ZFHX3: variants seen among roughly 807,000 people sequenced by gnomAD.
ZFHX3 encodes zinc finger homeobox protein 3.
A neutral mutation model predicts 279.1 loss-of-function variants in ZFHX3; 42 were observed. That is an observed-to-expected ratio of 0.15 (90% CI 0.12 to 0.19). The LOEUF (loss-of-function observed/expected upper bound fraction) is 0.19, where lower values mean the gene tolerates loss of function less well. Among genes scored for constraint, ZFHX3 ranks in the 10% least tolerant of loss-of-function variants. The pLI is 1.00. For synonymous variants in ZFHX3, 2,293 were observed against 1,957.8 expected (o/e 1.17, Z -4.52); for missense variants, 4,981 against 4,754.0 (o/e 1.05, Z -1.40).
At position 73,351,253 on chromosome 16, in the gene ZFHX3, T is replaced by G. The variant is rs562480617; in HGVS notation, c.-1290-32917A>C. 1.6e-4 allele frequency among the ~76,000 whole-genome samples: 25 copies of G among 152,254 alleles called. No homozygotes were observed. In the South Asian group the frequency reaches 4.2e-3, roughly 25 times the overall value. ...CCTTTAACTGGACAAACGCCTTCGT[T>G]CAAGTGTCAACCCCAATCCGGGAGA... On this transcript the variant is annotated intron_variant, in intron 3 of 17. Coordinates refer to the ZFHX3 transcript ENST00000641206.
At chr16:73,814,138 T>C (rs1275374440) in intron 1 of ZFHX3, among the ~76,000 whole-genome samples, 1 of 152,190 alleles carries the variant, frequency 6.6e-6, no homozygotes, top group East Asian at 1.9e-4. Flanking sequence ...CTGAATGGGA[T>C]CTGTACCTTC....
chr16:72,905,337 C>A (rs1036705955), intron 3 of ZFHX3, among the ~76,000 whole-genome samples: 2 of 152,092 alleles, frequency 1.3e-5, no homozygotes, highest in African/African-American at 4.8e-5. Context: ...GTATGTGAAT[C>A]ACAAAAGGGC....
intron 4 of ZFHX3, among the ~76,000 whole-genome samples, chr16:73,314,154 G>A (rs183043873): frequency 3.9e-5 from 6 of 152,264 alleles, no homozygotes. Context: ...TTAAGAGGTG[G>A]GTCTCATCTA....
At chr16:73,188,683 G>C (rs555249847) in intron 5 of ZFHX3, among the ~76,000 whole-genome samples, 17 of 152,200 alleles carry the variant, frequency 1.1e-4, no homozygotes, top group African/African-American at 3.9e-4. Flanking sequence ...CCGCTATTTT[G>C]CTACTGTTGG....
chr16:73,595,223 C>T (rs1488504427), intron 2 of ZFHX3, among the ~76,000 whole-genome samples: 1 of 152,158 alleles, frequency 6.6e-6, no homozygotes, highest in East Asian at 1.9e-4. Flanking sequence ...AGACTGCTTA[C>T]CCGACTGTCC....
intron 1 of ZFHX3, chr16:73,808,389 C>A (rs1041901562): frequency 6.6e-6 from 1 of 152,172 alleles, no homozygotes; most frequent in African/African-American, 2.4e-5. Context: ...TTTCAAATAT[C>A]AGACAAAAAG....
chr16:73,309,709 T>G (rs1017356785), intron 4 of ZFHX3, among the ~76,000 whole-genome samples: 1 of 152,096 alleles, frequency 6.6e-6, no homozygotes, highest in Non-Finnish European at 1.5e-5. Flanking sequence ...TCTCAGGAAC[T>G]TAGAGAAGAG....
intron 1 of ZFHX3, among the ~76,000 whole-genome samples, chr16:73,693,536 C>T (rs1335745796): frequency 6.6e-6 from 1 of 151,622 alleles, no homozygotes; most frequent in Admixed American, 6.6e-5. Flanking sequence ...AGAATATAGA[C>T]CAATCTATGT....
chr16:73,586,418 AAACAAAC>A (rs958640594), intron 2 of ZFHX3, among the ~76,000 whole-genome samples: 18 of 151,092 alleles, frequency 1.2e-4, no homozygotes, highest in Non-Finnish European at 1.8e-4. Flanking sequence ...ACAAACAAAC[AAACAAAC>A]AAAAAAACAT....
At chr16:73,150,553 T>C (rs1331995092) in intron 5 of ZFHX3, among the ~76,000 whole-genome samples, 1 of 152,212 alleles carries the variant, frequency 6.6e-6, no homozygotes, top group African/African-American at 2.4e-5. Flanking sequence ...ATAGAACCCA[T>C]AGTTTCTGTT....
Position 72,821,428 on chromosome 16 carries a change from G to A in ZFHX3, c.3529+8351C>T, listed in dbSNP as rs566244041. ...ATATTTAATATCAGTGCTGCTTTCCGTCTCCATTGAGTTCCCACATTCAGC... is the reference window on the plus strand; with the variant it reads ...ATATTTAATATCAGTGCTGCTTTCCATCTCCATTGAGTTCCCACATTCAGC... On this transcript the variant is annotated intron_variant, in intron 5 of 9. Transcript: ENST00000268489. 8.5e-5 allele frequency among the ~76,000 whole-genome samples: 13 copies of A among 152,226 alleles called. No individual in the cohort carries two copies. The South Asian group carries it at 1.0e-3, about 12-fold the overall frequency.
intron 1 of ZFHX3, among the ~76,000 whole-genome samples, chr16:73,840,357 C>A (rs1390306149): frequency 6.6e-6 from 1 of 152,116 alleles, no homozygotes; most frequent in Non-Finnish European, 1.5e-5. Flanking sequence ...GGCAGTGGGA[C>A]CACCCCTTTA....
At chr16:73,451,977 G>T (rs2018288019) in intron 3 of ZFHX3, among the ~76,000 whole-genome samples, 2 of 152,162 alleles carry the variant, frequency 1.3e-5, no homozygotes, top group Non-Finnish European at 2.9e-5. Flanking sequence ...TTGGAGAGAT[G>T]AGGGCTACAT....
At chr16:73,224,657 A>G (rs779100128) in intron 5 of ZFHX3, among the ~76,000 whole-genome samples, 2 of 152,236 alleles carry the variant, frequency 1.3e-5, no homozygotes, top group Non-Finnish European at 2.9e-5. Flanking sequence ...ATGAAATGCT[A>G]TAGTAGCCAT....
At chr16:73,030,917 C>G (rs915981657) in intron 1 of ZFHX3, among the ~76,000 whole-genome samples, 7 of 152,140 alleles carry the variant, frequency 4.6e-5, no homozygotes, top group Admixed American at 6.6e-5. Context: ...TAGCAAGGAG[C>G]AATTCCTTCC....
intron 4 of ZFHX3, among the ~76,000 whole-genome samples, chr16:72,850,959 G>A (rs1305504344): frequency 1.3e-5 from 2 of 152,120 alleles, no homozygotes; most frequent in African/African-American, 2.4e-5. Context: ...GTAGCTTTGG[G>A]CCAAGTGGTG....
intron 2 of ZFHX3, among the ~76,000 whole-genome samples, chr16:73,657,642 T>A (rs1424879424): frequency 6.6e-6 from 1 of 152,042 alleles, no homozygotes; most frequent in African/African-American, 2.4e-5. Context: ...CACCCACTAT[T>A]TATTTTATAT....
chr16:73,241,470 TG>T (rs2013118708), intron 5 of ZFHX3, among the ~76,000 whole-genome samples: 1 of 151,788 alleles, frequency 6.6e-6, no homozygotes, highest in Non-Finnish European at 1.5e-5. Context: ...AGAAGTGTAG[TG>T]AGATTCAGAA....
intron 4 of ZFHX3, among the ~76,000 whole-genome samples, chr16:72,868,760 C>G (rs1319105234): frequency 6.6e-6 from 1 of 152,238 alleles, no homozygotes; most frequent in Admixed American, 6.5e-5. Context: ...TGGTCACCTT[C>G]TGCACCTCCA....
Sources: gnomAD v4.1 joint callset for allele counts (sites outside exome capture counted in the v4.1 genomes callset) on GRCh38, gnomAD v4.1.1 for gene constraint, MANE v1.5 for transcripts, NCBI Gene and HGNC (gene_info 2026-07-23, HGNC 2026-07-21) for gene names.